Variants in SLC24A2 observed in about 807,000 individuals in gnomAD.
SLC24A2 encodes sodium/potassium/calcium exchanger 2.
SLC24A2 carries 36 observed loss-of-function variants against 62.0 expected under a neutral mutation model. The observed-to-expected ratio is 0.58, with a 90% CI of 0.44 to 0.77. SLC24A2 has a LOEUF of 0.77. Among genes scored for constraint, SLC24A2 ranks in the 30% least tolerant of loss-of-function variants. SLC24A2 has a pLI of 0.00. For synonymous variants in SLC24A2, 358 were observed against 294.0 expected, an observed-to-expected ratio of 1.22 and a Z score of -2.23; for missense variants, 846 against 817.9, an observed-to-expected ratio of 1.03 and a Z score of -0.42.
chr9:20,009,936 C>T, the SLC24A2 span, among the ~76,000 whole-genome samples: 3 of 152,304 alleles, frequency 2.0e-5, no homozygotes, highest in East Asian at 1.9e-4. Context: ...AGAGACCTCA[C>T]TCAACCTTGG....
At chr9:20,140,855 G>C in the SLC24A2 span, among the ~76,000 whole-genome samples, 25 of 152,234 alleles carry the variant, frequency 1.6e-4, no homozygotes, top group African/African-American at 4.6e-4. Context: ...CCTTAGAAAC[G>C]AAAGTCCTGC....
chr9:19,679,086 G>C (rs1223838212), intron 2 of SLC24A2, among the ~76,000 whole-genome samples: 2 of 152,104 alleles, frequency 1.3e-5, no homozygotes, highest in Non-Finnish European at 2.9e-5. Flanking sequence ...ATTGAGAAAA[G>C]GGACCTGGCA....
At chr9:20,163,081 T>C in the SLC24A2 span, among the ~76,000 whole-genome samples, 1 of 152,134 alleles carries the variant, frequency 6.6e-6, no homozygotes, top group Non-Finnish European at 1.5e-5. Flanking sequence ...AAGACAGGGA[T>C]ACCCTCTCTC....
chr9:20,115,091 C>G, the SLC24A2 span, among the ~76,000 whole-genome samples: 1 of 151,894 alleles, frequency 6.6e-6, no homozygotes, highest in African/African-American at 2.4e-5. Context: ...ATTAATGGGC[C>G]CAAAGAACAT....
chr9:19,787,053 C>CATAAAATCA, intron 1 of SLC24A2, 34 bp from the exon 2 acceptor site: 1 of 1,347,440 alleles, frequency 7.4e-7, no homozygotes, highest in Non-Finnish European at 9.6e-7. Context: ...ATAAGTAAAT[C>CATAAAATCA]ATAAAATCAC....
At chr9:19,681,104 A>G (rs62564201) in intron 2 of SLC24A2, among the ~76,000 whole-genome samples, 1 of 151,962 alleles carries the variant, frequency 6.6e-6, no homozygotes, top group Non-Finnish European at 1.5e-5. Context: ...CTCAGAGCAG[A>G]AGTCAATGCC....
chr9:19,806,300 T>C, the SLC24A2 span, among the ~76,000 whole-genome samples: 1 of 152,114 alleles, frequency 6.6e-6, no homozygotes, highest in Non-Finnish European at 1.5e-5. Flanking sequence ...CTTGAGTATA[T>C]CCTACAGAAA....
chr9:19,575,744 C>T lies in SLC24A2; in HGVS notation c.1228+1180G>A, dbSNP rs528608113. On this transcript the variant is annotated intron_variant, in intron 6 of 10. Coordinates refer to ENST00000341998, the MANE Select transcript of SLC24A2 (RefSeq NM_020344.4). ...CCAGTCATTAGGAGGAGGAGGACTG[C>T]GACTGAGCCCAGGAATCTAATTCTT... Among the ~76,000 whole-genome samples, 7 of 152,226 alleles carry T rather than the reference C, an allele frequency of 4.6e-5. 1 individual carries two copies. In the South Asian group the frequency reaches 1.2e-3, roughly 27 times the overall value.
intron 5 of SLC24A2, among the ~76,000 whole-genome samples, chr9:19,578,618 T>G (rs933625937): frequency 4.6e-5 from 7 of 152,098 alleles, no homozygotes; most frequent in African/African-American, 2.4e-5. Flanking sequence ...TTCTACTTTT[T>G]TATTTAGAAC....
chr9:20,139,232 T>C, the SLC24A2 span, among the ~76,000 whole-genome samples: 5 of 152,314 alleles, frequency 3.3e-5, no homozygotes, highest in South Asian at 6.2e-4. Flanking sequence ...TATGTAGTGA[T>C]TAAATGCAGG....
the SLC24A2 span, among the ~76,000 whole-genome samples, chr9:20,094,273 AG>A: frequency 1.3e-5 from 2 of 152,236 alleles, no homozygotes; most frequent in Non-Finnish European, 2.9e-5. Flanking sequence ...TGCAAGCTAA[AG>A]TAACCACATT....
the SLC24A2 span, among the ~76,000 whole-genome samples, chr9:19,831,320 T>G: frequency 6.6e-6 from 1 of 152,338 alleles, no homozygotes; most frequent in South Asian, 2.1e-4. Flanking sequence ...CTTCTTGTGT[T>G]TTTCTTCTCC....
Position 19,786,953 on chromosome 9 carries a change from C to T in SLC24A2, c.-87G>A, listed in dbSNP as rs1369139003. 16 of 1,550,772 alleles carry T rather than the reference C, an allele frequency of 1.0e-5. No homozygotes were observed. Among genetic ancestry groups the T allele is most frequent in the Admixed American group, 3.7e-5 (2 of 53,492 alleles). On this transcript the variant is annotated 5_prime_UTR_variant, in exon 2 of 11. Transcript: ENST00000341998. The surrounding 1 kb of genome is among the most constrained non-coding windows in gnomAD (Gnocchi z 5.0). ...ATACTTTTCCTTACTTTATAGTTAA[C>T]GATGCTTGTGGGGTACTTTCACAAT...
the SLC24A2 span, among the ~76,000 whole-genome samples, chr9:19,907,683 A>G: frequency 2.0e-5 from 3 of 152,228 alleles, no homozygotes; most frequent in Non-Finnish European, 4.4e-5. Flanking sequence ...ATTCGTATAC[A>G]CCAATAACAG....
chr9:20,059,246 G>C, the SLC24A2 span, among the ~76,000 whole-genome samples: 1 of 152,294 alleles, frequency 6.6e-6, no homozygotes, highest in South Asian at 2.1e-4. Flanking sequence ...AGAACATTTA[G>C]AGAGAAGATC....
chr9:19,566,191 G>A (rs1251126566), intron 7 of SLC24A2, among the ~76,000 whole-genome samples: 1 of 149,864 alleles, frequency 6.7e-6, no homozygotes, highest in African/African-American at 2.4e-5. Flanking sequence ...CTACAGAATG[G>A]GAGAAAATTT....
chr9:19,665,516 T>C (rs1007283584), intron 2 of SLC24A2, among the ~76,000 whole-genome samples: 9 of 152,154 alleles, frequency 5.9e-5, no homozygotes, highest in South Asian at 2.1e-4. Context: ...GAATTCTCTA[T>C]GGAAACAGGC....
At chr9:19,725,971 GA>G (rs1342907628) in intron 2 of SLC24A2, among the ~76,000 whole-genome samples, 6 of 151,984 alleles carry the variant, frequency 3.9e-5, no homozygotes, top group Admixed American at 1.3e-4. Context: ...GAGCATTGGG[GA>G]AAAAAAGTAT....
chr9:20,101,337 T>C, the SLC24A2 span, among the ~76,000 whole-genome samples: 1 of 152,344 alleles, frequency 6.6e-6, no homozygotes, highest in East Asian at 1.9e-4. Context: ...CTCAGAGCCT[T>C]TGTTCAGTAC....
Sources: gnomAD v4.1 joint callset for allele counts (sites outside exome capture counted in the v4.1 genomes callset) on GRCh38, gnomAD v4.1.1 for gene constraint, Gnocchi (gnomAD v3.1) non-coding constraint, MANE v1.5 for transcripts, NCBI Gene and HGNC (gene_info 2026-07-23, HGNC 2026-07-21) for gene names.